Variants in LYRM4 observed in about 807,000 individuals in gnomAD.
The protein encoded by LYRM4 is LYR motif containing 4.
A neutral mutation model predicts 11.7 loss-of-function variants in LYRM4; 9 were observed. The observed-to-expected ratio is 0.77, with a 90% CI of 0.46 to 1.34. The LOEUF (loss-of-function observed/expected upper bound fraction) is 1.34, where lower values mean the gene tolerates loss of function less well. LYRM4 is among the 40% of genes most tolerant of loss of function. LYRM4 has a pLI of 0.00. For missense variants in LYRM4, 133 were observed against 112.5 expected (o/e 1.18, Z -0.82); for synonymous variants, 42 against 40.4 (o/e 1.04, Z -0.15).
chr6:5,112,987 T>C (rs1371918007), intron 2 of LYRM4: 3 of 178,232 alleles, frequency 1.7e-5, no homozygotes, highest in Admixed American at 6.1e-5. Flanking sequence ...ACAGATGCCA[T>C]GCTCCACTTG....
At chr6:5,240,301 C>T (rs1373500538) in intron 1 of LYRM4, among the ~76,000 whole-genome samples, 1 of 152,106 alleles carries the variant, frequency 6.6e-6, no homozygotes, top group Non-Finnish European at 1.5e-5. Flanking sequence ...GAAGTATTTA[C>T]ATTAACACTA....
chr6:5,083,788 C>T, the LYRM4 span, among the ~76,000 whole-genome samples: 1 of 152,200 alleles, frequency 6.6e-6, no homozygotes, highest in South Asian at 2.1e-4. Flanking sequence ...CAAACCATGA[C>T]ATGTTTTAGT....
rs76656392 is a variant in LYRM4 at position 5,123,255 on chromosome 6, G to A, written c.208-13764C>T. 2.2e-3 allele frequency among the ~76,000 whole-genome samples: 336 copies of A among 152,304 alleles called. 2 individuals carry two copies. The highest frequency in any genetic ancestry group is 3.6e-3 in the Admixed American group (55 of 15,298). The stretch of plus-strand genomic sequence containing the variant: ...GTCCTCATCCCAACCCCAGCCTCGG[G>A]AAGGCAGCAGCTCTGTTCCCAGAAG... On this transcript the variant is annotated intron_variant, in intron 2 of 2. Coordinates refer to ENST00000330636, the MANE Select transcript of LYRM4 (RefSeq NM_020408.6).
intron 2 of LYRM4, among the ~76,000 whole-genome samples, chr6:5,119,328 A>G (rs561096823): frequency 1.3e-5 from 2 of 152,260 alleles, no homozygotes; most frequent in South Asian, 4.2e-4. Flanking sequence ...CTTCATCAGC[A>G]TGCCCACACG....
the LYRM4 span, among the ~76,000 whole-genome samples, chr6:5,098,045 A>C: frequency 6.6e-6 from 1 of 151,340 alleles, no homozygotes; most frequent in East Asian, 1.9e-4. Context: ...TTGGCCTTGA[A>C]CTCCTGGGAC....
the LYRM4 span, among the ~76,000 whole-genome samples, chr6:5,040,315 C>CG: frequency 3.3e-5 from 2 of 60,566 alleles, no homozygotes; most frequent in Non-Finnish European, 7.8e-5. Flanking sequence ...CTATCTCTAA[C>CG]AATAGATAGA....
At chr6:5,238,609 G>A (rs1339487852) in intron 1 of LYRM4, among the ~76,000 whole-genome samples, 1 of 152,148 alleles carries the variant, frequency 6.6e-6, no homozygotes, top group Non-Finnish European at 1.5e-5. Context: ...ACATAAACAA[G>A]TAACAGGGTG....
intron 1 of LYRM4, among the ~76,000 whole-genome samples, chr6:5,242,309 T>C (rs942362016): frequency 2.6e-5 from 4 of 151,834 alleles, no homozygotes; most frequent in Non-Finnish European, 5.9e-5. Flanking sequence ...CCTGACCTCG[T>C]GATCTGCCCG....
chr6:5,244,418 A>T (rs963348245), intron 1 of LYRM4, among the ~76,000 whole-genome samples: 12 of 152,130 alleles, frequency 7.9e-5, no homozygotes, highest in Non-Finnish European at 1.8e-4. Flanking sequence ...TACTGATATG[A>T]CATCTCTGTA....
At chr6:5,085,329 A>G in the LYRM4 span, 4 of 575,836 alleles carry the variant, frequency 6.9e-6, no homozygotes, top group Non-Finnish European at 5.9e-6. Context: ...CGGAGGCTCC[A>G]AAGTGGAACT....
chr6:5,085,371 C>T, the LYRM4 span: 2 of 756,752 alleles, frequency 2.6e-6, no homozygotes, highest in South Asian at 1.9e-5. Context: ...GGCGACTCGC[C>T]TCGGGGAGGG....
intron 2 of LYRM4, chr6:5,186,959 G>T: frequency 1.6e-6 from 1 of 611,172 alleles, no homozygotes; most frequent in Non-Finnish European, 2.1e-6. Context: ...ACTCCAGCCT[G>T]GGCGACAGAG....
At chr6:5,171,381 CTG>C (rs1759417988) in intron 2 of LYRM4, among the ~76,000 whole-genome samples, 1 of 152,208 alleles carries the variant, frequency 6.6e-6, no homozygotes, top group Non-Finnish European at 1.5e-5. Flanking sequence ...ATGTTTACAA[CTG>C]TGAATCACTA....
chr6:5,126,400 A>G (rs1763700470), intron 2 of LYRM4, among the ~76,000 whole-genome samples: 1 of 152,244 alleles, frequency 6.6e-6, no homozygotes, highest in Non-Finnish European at 1.5e-5. Flanking sequence ...GTATTTGAAG[A>G]ATGCAGACAG....
In LYRM4 at chr6:5,260,776, C is replaced by A; in HGVS notation, c.-43G>T. The A allele has an allele frequency of 6.5e-7, 1 of 1,536,962 alleles. No individual in the cohort carries two copies. Among genetic ancestry groups the A allele is most frequent in the Non-Finnish European group, 8.7e-7 (1 of 1,146,336 alleles). ...ATAAACGGGTCCTCTTCGCCGAGGT[C>A]CCAAGTACGACCCAACCCACGAAAC... On this transcript the variant is annotated 5_prime_UTR_variant, in exon 1 of 3. Coordinates refer to ENST00000330636, the MANE Select transcript of LYRM4 (RefSeq NM_020408.6).
At chr6:5,118,310 T>C (rs1352161016) in intron 2 of LYRM4, among the ~76,000 whole-genome samples, 2 of 152,036 alleles carry the variant, frequency 1.3e-5, no homozygotes, top group African/African-American at 4.8e-5. Context: ...ACAGATGGGC[T>C]TTCACCATGT....
the LYRM4 span, among the ~76,000 whole-genome samples, chr6:5,062,074 C>CCTT: frequency 4.1e-5 from 6 of 146,116 alleles, no homozygotes; most frequent in Admixed American, 1.4e-4. Flanking sequence ...TCTTCCCCTT[C>CCTT]CTTCTTCTTT....
Position 5,245,114 on chromosome 6 carries a change from ATATATATATATATATATAT to A in LYRM4, c.86+15515_86+15533del, listed in dbSNP as rs1478707228. The stretch of plus-strand genomic sequence containing the variant: ...TAAAAAAAAAAAAAAAAAAAAAAAA[ATATATATATATATATATAT>A]ATATATATATATATATATATATATA... On this transcript the variant is annotated intron_variant, in intron 1 of 2. Coordinates refer to ENST00000330636, the MANE Select transcript of LYRM4 (RefSeq NM_020408.6). Among the ~76,000 whole-genome samples the A allele has an allele frequency of 1.7e-3, 21 of 12,040 alleles. 1 individual carries two copies. The highest frequency in any genetic ancestry group is 4.5e-3 in the African/African-American group (15 of 3,300). 7.9% of individuals were successfully genotyped at this position (12,040 alleles called of 152,430 possible).
chr6:5,073,836 C>T, the LYRM4 span, among the ~76,000 whole-genome samples: 1 of 152,138 alleles, frequency 6.6e-6, no homozygotes, highest in Non-Finnish European at 1.5e-5. Flanking sequence ...AGGCAGGGGG[C>T]TCTAGGCCCC....
Sources: allele counts gnomAD v4.1 joint callset (sites outside exome capture counted in the v4.1 genomes callset), GRCh38; gene constraint gnomAD v4.1.1; transcripts MANE v1.5; gene names NCBI Gene and HGNC (gene_info 2026-07-23, HGNC 2026-07-21).